MAPK8: variants seen among roughly 807,000 people sequenced by gnomAD.
The protein encoded by MAPK8 is JUN N-terminal kinase.
Under a neutral mutation model 52.9 loss-of-function variants are expected in MAPK8, and 13 were observed. The ratio of observed to expected loss-of-function variants is 0.25; its 90% CI spans 0.16 to 0.39. MAPK8 has a LOEUF of 0.39. MAPK8 is among the 10% of genes least tolerant of loss of function. MAPK8 has a pLI of 1.00. For synonymous variants in MAPK8, 191 were observed against 169.8 expected (o/e 1.12, Z -0.97); for missense variants, 300 against 519.2 (o/e 0.58, Z 4.10).
intron 1 of MAPK8, among the ~76,000 whole-genome samples, chr10:48,324,611 A>G (rs908441847): frequency 6.7e-6 from 1 of 150,092 alleles, no homozygotes; most frequent in Non-Finnish European, 1.5e-5. Context: ...TTCTTGTAGC[A>G]ATTAACTTTT....
At chr10:48,386,073 C>A (rs1764315617) in intron 1 of MAPK8, among the ~76,000 whole-genome samples, 1 of 152,068 alleles carries the variant, frequency 6.6e-6, no homozygotes, top group African/African-American at 2.4e-5. Flanking sequence ...ATCTGGGACA[C>A]TTCTCATTTG....
intron 1 of MAPK8, among the ~76,000 whole-genome samples, chr10:48,388,697 A>C (rs1365519956): frequency 6.6e-6 from 1 of 152,176 alleles, no homozygotes; most frequent in Non-Finnish European, 1.5e-5. Flanking sequence ...CTTTAATAAT[A>C]TGCCCAGGTG....
chr10:48,370,525 G>A (rs1848445243), intron 1 of MAPK8, among the ~76,000 whole-genome samples: 1 of 152,126 alleles, frequency 6.6e-6, no homozygotes, highest in Non-Finnish European at 1.5e-5. Context: ...AAGTAAAAGT[G>A]AGGACTAATA....
At chr10:48,415,414 A>C (rs77753452) in intron 5 of MAPK8, among the ~76,000 whole-genome samples, 2 of 152,192 alleles carry the variant, frequency 1.3e-5, no homozygotes, top group Non-Finnish European at 2.9e-5. Flanking sequence ...AAAACAATGG[A>C]AACAACAAGA....
At chr10:48,386,947 G>A (rs1196646787) in intron 1 of MAPK8, among the ~76,000 whole-genome samples, 3 of 152,220 alleles carry the variant, frequency 2.0e-5, no homozygotes, top group Non-Finnish European at 4.4e-5. Flanking sequence ...GATTTCATGT[G>A]TCTGGCGCTA....
At chr10:48,372,055 A>G (rs906733795) in intron 1 of MAPK8, among the ~76,000 whole-genome samples, 1 of 152,088 alleles carries the variant, frequency 6.6e-6, no homozygotes, top group African/African-American at 2.4e-5. Flanking sequence ...CCCACAAAAC[A>G]GTCCTTTAGA....
chr10:48,358,584 G>C, intron 1 of MAPK8, among the ~76,000 whole-genome samples: 1 of 152,034 alleles, frequency 6.6e-6, no homozygotes, highest in East Asian at 1.9e-4. Context: ...TCTTAATAAT[G>C]TCCTCTGATG....
intron 5 of MAPK8, among the ~76,000 whole-genome samples, chr10:48,418,034 T>G (rs1331500320): frequency 6.6e-6 from 1 of 152,218 alleles, no homozygotes; most frequent in African/African-American, 2.4e-5. Context: ...TCTGCCATTG[T>G]AACACAAAAG....
At chr10:48,319,192 C>T (rs1290130891) in intron 1 of MAPK8, among the ~76,000 whole-genome samples, 2 of 152,240 alleles carry the variant, frequency 1.3e-5, no homozygotes, top group East Asian at 3.9e-4. Flanking sequence ...ATAGAAAATA[C>T]CATAGTGTGT....
At chr10:48,394,295 G>T (rs2041779462) in intron 1 of MAPK8, among the ~76,000 whole-genome samples, 1 of 151,854 alleles carries the variant, frequency 6.6e-6, no homozygotes, top group Admixed American at 6.6e-5. Context: ...ACTCTAATAT[G>T]AAAGAAAACT....
intron 1 of MAPK8, among the ~76,000 whole-genome samples, chr10:48,365,176 C>T (rs756728899): frequency 1.3e-4 from 20 of 152,164 alleles, no homozygotes; most frequent in East Asian, 5.8e-4. Context: ...GCAGCTAAGC[C>T]GTGTAAAACA....
At chr10:48,349,669 G>A (rs2132420759) in intron 1 of MAPK8, among the ~76,000 whole-genome samples, 1 of 152,198 alleles carries the variant, frequency 6.6e-6, no homozygotes, top group East Asian at 1.9e-4. Context: ...GAGAAAGCAG[G>A]AAAGATCTAA....
At chr10:48,338,517 A>G (rs954909450) in intron 1 of MAPK8, among the ~76,000 whole-genome samples, 1 of 152,154 alleles carries the variant, frequency 6.6e-6, no homozygotes, top group Non-Finnish European at 1.5e-5. Context: ...TAAGAACCAG[A>G]ACAAGACAAG....
At chr10:48,309,360 TTAAAG>T (rs1195771475) in intron 1 of MAPK8, among the ~76,000 whole-genome samples, 3 of 152,184 alleles carry the variant, frequency 2.0e-5, no homozygotes, top group Non-Finnish European at 2.9e-5. Context: ...AAATTATCCT[TTAAAG>T]TAAGAGATAT....
chr10:48,310,387 A>G (rs1350139351), intron 1 of MAPK8, among the ~76,000 whole-genome samples: 1 of 152,194 alleles, frequency 6.6e-6, no homozygotes, highest in African/African-American at 2.4e-5. Context: ...TGTAATTTTC[A>G]GAAGCCAAAA....
intron 1 of MAPK8, among the ~76,000 whole-genome samples, chr10:48,317,024 G>A (rs1842568145): frequency 1.3e-5 from 2 of 152,142 alleles, no homozygotes; most frequent in African/African-American, 4.8e-5. Context: ...ACATCCCACA[G>A]CAACCCTACA....
In MAPK8 at chr10:48,401,645, T is replaced by G; in HGVS notation, c.-16T>G. The G allele has an allele frequency of 3.1e-6, 5 of 1,610,412 alleles. No individual in the cohort carries two copies. The highest frequency in any genetic ancestry group is 4.2e-6 in the Non-Finnish European group (5 of 1,178,730). The stretch of plus-strand genomic sequence containing the variant: ...TGAATTTTTGGATGAAGCCATTAAA[T>G]TAATTGCTTGCCATCATGAGCAGAA... On this transcript the variant is annotated 5_prime_UTR_variant, in exon 2 of 12. Transcript: ENST00000374189.
chr10:48,368,508 G>A (rs1037501474), intron 1 of MAPK8, among the ~76,000 whole-genome samples: 11 of 152,190 alleles, frequency 7.2e-5, no homozygotes, highest in African/African-American at 2.7e-4. Context: ...GGAGAGGGAG[G>A]AGGATCTGGT....
intron 5 of MAPK8, among the ~76,000 whole-genome samples, chr10:48,419,097 A>G (rs1273695099): frequency 6.6e-6 from 1 of 152,208 alleles, no homozygotes; most frequent in African/African-American, 2.4e-5. Flanking sequence ...AATTGTTGGT[A>G]TATTTAATTT....
Sources: allele counts gnomAD v4.1 joint callset (sites outside exome capture counted in the v4.1 genomes callset), GRCh38; gene constraint gnomAD v4.1.1; transcripts MANE v1.5; gene names NCBI Gene and HGNC (gene_info 2026-07-23, HGNC 2026-07-21).